The following KIF6 variants were observed in gnomAD, a reference collection of about 807,000 sequenced individuals.
KIF6 encodes kinesin family member 6, also known as kinesin-like protein KIF6.
KIF6 carries 106 observed loss-of-function variants against 112.7 expected under a neutral mutation model. The observed-to-expected ratio is 0.94, with a 90% CI of 0.80 to 1.11. The LOEUF (loss-of-function observed/expected upper bound fraction) is 1.11, where lower values mean the gene tolerates loss of function less well. KIF6 is among the 50% of genes least tolerant of loss of function. KIF6 has a pLI of 0.00. For missense variants in KIF6, 929 were observed against 964.0 expected (o/e 0.96, Z 0.48); for synonymous variants, 339 against 339.9 (o/e 1.00, Z 0.03).
At chr6:39,483,037 C>A (rs1774895746) in intron 13 of KIF6, among the ~76,000 whole-genome samples, 1 of 152,180 alleles carries the variant, frequency 6.6e-6, no homozygotes, top group South Asian at 2.1e-4. Context: ...AAGTAAGGAT[C>A]ATCAAAATAA....
chr6:39,428,763 C>T (rs1237213046), intron 14 of KIF6, among the ~76,000 whole-genome samples: 1 of 152,164 alleles, frequency 6.6e-6, no homozygotes, highest in Non-Finnish European at 1.5e-5. Flanking sequence ...ATGATGTGAT[C>T]TTACTCAGTG....
At chr6:39,381,103 C>T (rs1404272180) in intron 16 of KIF6, among the ~76,000 whole-genome samples, 1 of 152,108 alleles carries the variant, frequency 6.6e-6, no homozygotes, top group Non-Finnish European at 1.5e-5. Context: ...ATCTTTGTTC[C>T]TTTGGGATAT....
At chr6:39,437,320 T>C (rs930269027) in intron 13 of KIF6, among the ~76,000 whole-genome samples, 3 of 152,212 alleles carry the variant, frequency 2.0e-5, no homozygotes, top group Non-Finnish European at 4.4e-5. Flanking sequence ...CAAACAGTGA[T>C]AGTTTGACTT....
intron 13 of KIF6, among the ~76,000 whole-genome samples, chr6:39,534,174 C>T (rs4273686): frequency 0.074 from 11,299 of 152,084 alleles, 492 homozygotes; most frequent in Middle Eastern, 0.15. Context: ...TCCAAAGGAA[C>T]GCAGTTCCTC....
At chr6:39,686,790 C>G (rs181017941) in intron 3 of KIF6, among the ~76,000 whole-genome samples, 5 of 152,266 alleles carry the variant, frequency 3.3e-5, no homozygotes, top group Non-Finnish European at 7.3e-5. Context: ...ATAAGAACAC[C>G]TGAATCATTA....
chr6:39,707,864 A>C (rs1319675213), intron 3 of KIF6, among the ~76,000 whole-genome samples: 1 of 152,338 alleles, frequency 6.6e-6, no homozygotes, highest in East Asian at 1.9e-4. Flanking sequence ...ACTGATTCAG[A>C]AGTGATATGT....
At chr6:39,349,913 G>C (rs1764107627) in intron 19 of KIF6, among the ~76,000 whole-genome samples, 1 of 152,058 alleles carries the variant, frequency 6.6e-6, no homozygotes, top group South Asian at 2.1e-4. Flanking sequence ...CCAAAGTGCT[G>C]GGATTACAGG....
intron 15 of KIF6, among the ~76,000 whole-genome samples, chr6:39,401,509 G>C (rs544280534): frequency 1.4e-4 from 21 of 152,232 alleles, no homozygotes; most frequent in African/African-American, 4.8e-4. Context: ...ATCCCACTTG[G>C]AGACTCTAGG....
At chr6:39,583,470 T>A (rs1161863267) in intron 9 of KIF6, 2 of 471,504 alleles carry the variant, frequency 4.2e-6, no homozygotes, top group African/African-American at 2.0e-5. Flanking sequence ...TCAGAGGAGC[T>A]TGGTGCTTTC....
At chr6:39,514,064 A>G (rs1776929839) in intron 13 of KIF6, among the ~76,000 whole-genome samples, 1 of 152,134 alleles carries the variant, frequency 6.6e-6, no homozygotes, top group African/African-American at 2.4e-5. Flanking sequence ...ACAATTTGTA[A>G]TTTGCTGTGA....
chr6:39,477,450 TA>T (rs1227856338), intron 13 of KIF6, among the ~76,000 whole-genome samples: 1 of 152,140 alleles, frequency 6.6e-6, no homozygotes, highest in Non-Finnish European at 1.5e-5. Context: ...AAAAGATTGT[TA>T]AAAAAGAGAT....
Position 39,586,284 on chromosome 6 carries a change from A to C in KIF6, c.967T>G (p.Ser323Ala), listed in dbSNP as rs773101389. 2 of 1,614,164 alleles carry C rather than the reference A, an allele frequency of 1.2e-6. No homozygotes were observed. Among genetic ancestry groups the C allele is most frequent in the South Asian group, 2.2e-5 (2 of 91,092 alleles). The change falls in exon 8 of 23, where the codon TCC becomes GCC. Residue 323 changes from serine to alanine, a missense_variant. Around this residue, in one of 2 missense-constraint regions of KIF6, gnomAD observed 688 missense variants for 662.7 expected, o/e 1.04. Transcript: ENST00000287152. ...ACATCAAGATTCCTTTTCTCCAAGG[A>C]GAGTGTTGCAATCATAGTTGTCATG... is the stretch of plus-strand genomic sequence containing the variant. Reference protein sequence around the residue: ...NCMTTMIATLSLEKRNLDESI... With the variant: ...NCMTTMIATLALEKRNLDESI...
At chr6:39,420,540 C>T (rs976734706) in intron 14 of KIF6, among the ~76,000 whole-genome samples, 7 of 152,120 alleles carry the variant, frequency 4.6e-5, no homozygotes, top group Non-Finnish European at 1.0e-4. Context: ...AAGACAGAGT[C>T]GACTAGATGT....
At chr6:39,474,134 G>A (rs927311572) in intron 13 of KIF6, among the ~76,000 whole-genome samples, 3 of 152,166 alleles carry the variant, frequency 2.0e-5, no homozygotes, top group African/African-American at 7.2e-5. Flanking sequence ...ACAGGGAAAT[G>A]TTTAAAGGGA....
chr6:39,554,224 A>G (rs1779558785), intron 10 of KIF6: 1 of 154,122 alleles, frequency 6.5e-6, no homozygotes, highest in Admixed American at 6.5e-5. Context: ...TATGTGACTC[A>G]TGAGGACATG....
chr6:39,380,925 T>C (rs1766878720), intron 16 of KIF6, among the ~76,000 whole-genome samples: 1 of 152,200 alleles, frequency 6.6e-6, no homozygotes, highest in Non-Finnish European at 1.5e-5. Flanking sequence ...TGTAAACTTA[T>C]CTAATTTAAT....
chr6:39,489,879 C>T (rs1490315905), intron 13 of KIF6, among the ~76,000 whole-genome samples: 4 of 152,128 alleles, frequency 2.6e-5, no homozygotes, highest in Admixed American at 2.6e-4. Context: ...GAGCAGAAAG[C>T]AGAAAATATA....
intron 16 of KIF6, among the ~76,000 whole-genome samples, chr6:39,376,135 G>A (rs1415600954): frequency 1.3e-5 from 2 of 152,210 alleles, no homozygotes; most frequent in Non-Finnish European, 2.9e-5. Context: ...ACTGTTGATG[G>A]TTTTACAGAG....
intron 13 of KIF6, among the ~76,000 whole-genome samples, chr6:39,451,130 C>T (rs1231228223): frequency 1.3e-5 from 2 of 152,102 alleles, no homozygotes; most frequent in African/African-American, 4.8e-5. Context: ...ATTAATTCAA[C>T]AAGTATTTAC....
Sources: allele counts gnomAD v4.1 joint callset (sites outside exome capture counted in the v4.1 genomes callset), GRCh38; gene constraint gnomAD v4.1.1; regional missense constraint gnomAD v4.1.1; transcripts MANE v1.5; gene names NCBI Gene and HGNC (gene_info 2026-07-23, HGNC 2026-07-21).